Variants in ANKRD44 observed in about 807,000 individuals in gnomAD.
ANKRD44 encodes serine/threonine-protein phosphatase 6 regulatory ankyrin repeat subunit B.
Under a neutral mutation model 116.0 loss-of-function variants are expected in ANKRD44, and 35 were observed. The ratio of observed to expected loss-of-function variants is 0.30; its 90% CI spans 0.23 to 0.40. The LOEUF (loss-of-function observed/expected upper bound fraction) is 0.40. ANKRD44 is among the 10% of genes least tolerant of loss of function. The pLI, the probability that ANKRD44 is intolerant of heterozygous loss-of-function variation, is 1.00. For missense variants in ANKRD44, 1,014 were observed against 1,242.6 expected (o/e 0.82, Z 2.77); for synonymous variants, 435 against 461.8 (o/e 0.94, Z 0.74).
intron 16 of ANKRD44, among the ~76,000 whole-genome samples, chr2:197,063,358 CAG>C (rs2077359256): frequency 1.3e-5 from 2 of 152,158 alleles, no homozygotes; most frequent in South Asian, 4.1e-4. Flanking sequence ...GGGGAAAAAA[CAG>C]AGCAGAAAAG....
intron 8 of ANKRD44, among the ~76,000 whole-genome samples, chr2:197,115,343 A>C (rs2078682491): frequency 6.6e-6 from 1 of 152,250 alleles, no homozygotes; most frequent in African/African-American, 2.4e-5. Flanking sequence ...CTCTAATGGA[A>C]AAGAAAAAAT....
chr2:197,164,069 G>A (rs564720975), intron 2 of ANKRD44, among the ~76,000 whole-genome samples: 37 of 152,318 alleles, frequency 2.4e-4, no homozygotes, highest in Non-Finnish European at 4.7e-4. Flanking sequence ...GAATTTCCCA[G>A]AAGGATGGAC....
chr2:197,086,566 G>A (rs958908579), intron 13 of ANKRD44, 114 bp downstream of exon 13: 7 of 933,972 alleles, frequency 7.5e-6, no homozygotes, highest in African/African-American at 1.7e-5. Context: ...GAGGAGGATG[G>A]AATCCCCCCA....
At chr2:197,010,321 G>A (rs566445470) in intron 18 of ANKRD44, among the ~76,000 whole-genome samples, 10 of 152,058 alleles carry the variant, frequency 6.6e-5, no homozygotes, top group Non-Finnish European at 1.0e-4. Context: ...CACAGGCGGC[G>A]CTTTCTCTGA....
At position 197,125,909 on chromosome 2, in the gene ANKRD44, C is replaced by T. The variant is rs561600748; in HGVS notation, c.390G>A (p.Leu130=). 6.2e-7 allele frequency: 1 copy of T among 1,614,224 alleles called. No homozygotes were observed. The highest frequency in any genetic ancestry group is 8.5e-7 in the Non-Finnish European group (1 of 1,180,050). ...CTCGGTCGGAGACATTGACACTGCT[C>T]AGCAGGGGAATGATCACTTCTGCAC... ...VKCAEVIIPL[L]SSVNVSDRGG... Residue 130 remains leucine, a synonymous_variant, in exon 5 of 28, where the codon CTG becomes CTA. Coordinates refer to ENST00000282272, the MANE Select transcript of ANKRD44 (RefSeq NM_001195144.2).
intron 1 of ANKRD44, chr2:197,296,303 A>G (rs1430794146): frequency 6.6e-6 from 1 of 152,096 alleles, no homozygotes; most frequent in Admixed American, 6.5e-5. Flanking sequence ...GGGCCAAATT[A>G]CCTGTCAGCC....
intron 16 of ANKRD44, among the ~76,000 whole-genome samples, chr2:197,065,128 T>C (rs1034079371): frequency 4.6e-5 from 7 of 152,280 alleles, no homozygotes; most frequent in African/African-American, 1.7e-4. Context: ...GCAATCAAAC[T>C]AGGACTCAGG....
At chr2:197,145,086 T>C (rs1332011870) in intron 3 of ANKRD44, among the ~76,000 whole-genome samples, 3 of 152,056 alleles carry the variant, frequency 2.0e-5, no homozygotes, top group Non-Finnish European at 1.5e-5. Context: ...GGTCAGGAGA[T>C]CGAGACTATC....
chr2:197,141,339 C>T (rs1371897912), intron 3 of ANKRD44, among the ~76,000 whole-genome samples: 1 of 152,148 alleles, frequency 6.6e-6, no homozygotes, highest in African/African-American at 2.4e-5. Flanking sequence ...ATTTGTAATT[C>T]ATTTTCTGAG....
At chr2:197,238,264 A>G (rs2082016784) in intron 1 of ANKRD44, among the ~76,000 whole-genome samples, 1 of 152,206 alleles carries the variant, frequency 6.6e-6, no homozygotes, top group Non-Finnish European at 1.5e-5. Flanking sequence ...GCTGGCCTAT[A>G]GTAGGCACTC....
rs1379353950 is a variant in ANKRD44, at chr2:197,068,386, A to T, written c.1650+10317T>A. On this transcript the variant is annotated intron_variant, in intron 16 of 27. Coordinates refer to ENST00000282272, the MANE Select transcript of ANKRD44 (RefSeq NM_001195144.2). ...TAAAAAAAATAAAAAAAAGAAAAAA[A>T]TAAAAAAAAAATAAAAATAAAATAA... is the stretch of plus-strand genomic sequence containing the variant. Among the ~76,000 whole-genome samples the T allele has an allele frequency of 1.4e-4, 6 of 43,658 alleles. No individual in the cohort carries two copies. The Admixed American group carries it at 1.9e-3, about 14-fold the overall frequency. The allele number at this position is 43,658 out of a possible 152,430, so 28.6% of individuals were successfully genotyped here.
intron 1 of ANKRD44, among the ~76,000 whole-genome samples, chr2:197,247,903 G>C (rs1390416405): frequency 6.6e-6 from 1 of 152,158 alleles, no homozygotes; most frequent in South Asian, 2.1e-4. Context: ...GGTGAAGCGG[G>C]AAATGGCTGG....
At chr2:197,245,675 T>C (rs2082175412) in intron 1 of ANKRD44, among the ~76,000 whole-genome samples, 1 of 152,190 alleles carries the variant, frequency 6.6e-6, no homozygotes, top group Non-Finnish European at 1.5e-5. Flanking sequence ...CTAACAGTGG[T>C]ACAAACTGCC....
chr2:196,968,141 A>G (rs1048707392), intron 21 of ANKRD44, among the ~76,000 whole-genome samples: 16 of 152,232 alleles, frequency 1.1e-4, no homozygotes, highest in South Asian at 2.1e-4. Flanking sequence ...GCAATGCAAG[A>G]ACGGCCTAAT....
intron 20 of ANKRD44, among the ~76,000 whole-genome samples, chr2:197,007,469 C>A (rs1367412586): frequency 6.6e-6 from 1 of 152,014 alleles, no homozygotes; most frequent in Non-Finnish European, 1.5e-5. Context: ...CTTCTCTGGG[C>A]TTTAAAAAAA....
intron 1 of ANKRD44, among the ~76,000 whole-genome samples, chr2:197,309,381 A>G (rs2084170037): frequency 6.6e-6 from 1 of 152,214 alleles, no homozygotes; most frequent in Non-Finnish European, 1.5e-5. Context: ...CCCATCACCA[A>G]CCCCGCCAAA....
chr2:197,208,460 G>C lies in ANKRD44; in HGVS notation c.28-21354C>G, dbSNP rs77256118. On this transcript the variant is annotated intron_variant, in intron 1 of 27. Transcript: ENST00000282272. ...CCAGTGAGAGAGGTAAGTGGGCAATGGTAAGCTGTGCCACACACCAGGTAT... is the reference window on the plus strand; with the variant it reads ...CCAGTGAGAGAGGTAAGTGGGCAATCGTAAGCTGTGCCACACACCAGGTAT... Among the ~76,000 whole-genome samples, 231 of 152,264 alleles carry C rather than the reference G, an allele frequency of 1.5e-3. 1 individual carries two copies. Among genetic ancestry groups the C allele is most frequent in the African/African-American group, 5.4e-3 (223 of 41,552 alleles).
intron 1 of ANKRD44, among the ~76,000 whole-genome samples, chr2:197,202,296 G>A (rs939738414): frequency 6.6e-6 from 1 of 152,110 alleles, no homozygotes; most frequent in African/African-American, 2.4e-5. Context: ...ACATAACGGA[G>A]GGCAAGTCAC....
intron 1 of ANKRD44, among the ~76,000 whole-genome samples, chr2:197,248,576 G>GTATATATA (rs1318550760): frequency 8.1e-5 from 9 of 110,482 alleles, no homozygotes; most frequent in African/African-American, 2.7e-4. Context: ...GTGTGTGTGT[G>GTATATATA]TGTATATATA....
Sources: gnomAD v4.1 joint callset for allele counts (sites outside exome capture counted in the v4.1 genomes callset) on GRCh38, gnomAD v4.1.1 for gene constraint, MANE v1.5 for transcripts, NCBI Gene and HGNC (gene_info 2026-07-23, HGNC 2026-07-21) for gene names.